The following PDSS2 variants were observed in gnomAD, a reference collection of about 807,000 sequenced individuals.
PDSS2 encodes the protein all trans-polyprenyl-diphosphate synthase PDSS2.
A neutral mutation model predicts 44.5 loss-of-function variants in PDSS2; 31 were observed. The ratio of observed to expected loss-of-function variants is 0.70; its 90% confidence interval spans 0.52 to 0.94. The LOEUF (loss-of-function observed/expected upper bound fraction) is 0.94. PDSS2 is among the 40% of genes least tolerant of loss of function. PDSS2 has a pLI of 0.00. For synonymous variants in PDSS2, 157 were observed against 180.3 expected (o/e 0.87, Z 1.03); for missense variants, 452 against 482.2 (o/e 0.94, Z 0.59).
intron 4 of PDSS2, among the ~76,000 whole-genome samples, chr6:107,241,019 A>T (rs1774404713): frequency 6.6e-6 from 1 of 151,910 alleles, no homozygotes; most frequent in South Asian, 2.1e-4. Context: ...GAGGCTGAGG[A>T]GGATGGGTCG....
intron 7 of PDSS2, among the ~76,000 whole-genome samples, chr6:107,191,347 G>C (rs942605001): frequency 2.6e-5 from 4 of 152,174 alleles, no homozygotes; most frequent in Middle Eastern, 6.3e-3. Flanking sequence ...ATGAGCACGA[G>C]GAATGGAAGA....
chr6:107,215,386 C>T (rs529748521), intron 4 of PDSS2, among the ~76,000 whole-genome samples: 1 of 152,180 alleles, frequency 6.6e-6, no homozygotes, highest in South Asian at 2.1e-4. Flanking sequence ...AGTGAGAACC[C>T]TAACTCTAAA....
intron 1 of PDSS2, among the ~76,000 whole-genome samples, chr6:107,440,122 C>T (rs1444920562): frequency 6.6e-6 from 1 of 152,234 alleles, no homozygotes; most frequent in East Asian, 1.9e-4. Context: ...ATATGGTACA[C>T]TCCTCCAGTT....
At chr6:107,202,913 A>G (rs1772835771) in intron 6 of PDSS2, among the ~76,000 whole-genome samples, 1 of 151,952 alleles carries the variant, frequency 6.6e-6, no homozygotes, top group African/African-American at 2.4e-5. Flanking sequence ...AGGAGATACT[A>G]CTTGTATTAT....
At chr6:107,279,322 T>C (rs1029808075) in intron 2 of PDSS2, among the ~76,000 whole-genome samples, 4 of 152,228 alleles carry the variant, frequency 2.6e-5, no homozygotes, top group African/African-American at 9.6e-5. Flanking sequence ...ATCACTGATA[T>C]ATGCCACAAA....
chr6:107,189,847 T>TA (rs1294883503), intron 7 of PDSS2, among the ~76,000 whole-genome samples: 41 of 151,946 alleles, frequency 2.7e-4, no homozygotes, highest in East Asian at 1.2e-3. Context: ...CTTTGAGTCA[T>TA]AAAAAAAGCA....
chr6:107,334,542 G>A lies in PDSS2; in HGVS notation c.297-210C>T, dbSNP rs991881621. 2.3e-3 allele frequency among the ~76,000 whole-genome samples: 343 copies of A among 151,592 alleles called. 2 individuals are homozygous for A. The highest frequency in any genetic ancestry group is 7.9e-3 in the African/African-American group (328 of 41,334). On this transcript the variant is annotated intron_variant, in intron 1 of 7. Coordinates refer to ENST00000369037, the MANE Select transcript of PDSS2 (RefSeq NM_020381.4). ...CTACGGCTGCGTTGTTGTTGTTGTT[G>A]TTGTTGTTGTTGTTTTTGAGACAGG...
At position 107,410,476 on chromosome 6, in the gene PDSS2, TTTTGTTTG is replaced by T. The variant is rs66478137; in HGVS notation, c.296+48506_296+48513del. On this transcript the variant is annotated intron_variant, in intron 1 of 7. Coordinates refer to ENST00000369037, the MANE Select transcript of PDSS2 (RefSeq NM_020381.4). Reference sequence around the variant, plus strand: ...TATATGTACTGTCCTCTACGCTGTTTTTTGTTTGTTTGTTTGTTTGTTTGTTTTTTGAG... The same window carrying T: ...TATATGTACTGTCCTCTACGCTGTTTTTTGTTTGTTTGTTTGTTTTTTGAG... 2.0e-4 allele frequency among the ~76,000 whole-genome samples: 31 copies of T among 151,264 alleles called. No homozygotes were observed. The East Asian group carries it at 2.2e-3, about 11-fold the overall frequency.
intron 2 of PDSS2, among the ~76,000 whole-genome samples, chr6:107,324,726 A>G (rs1777485056): frequency 6.6e-6 from 1 of 152,198 alleles, no homozygotes; most frequent in Non-Finnish European, 1.5e-5. Flanking sequence ...ACATATTTGA[A>G]TATTACCTAT....
chr6:107,171,044 G>A (rs193128574), intron 7 of PDSS2, among the ~76,000 whole-genome samples: 6 of 152,354 alleles, frequency 3.9e-5, no homozygotes, highest in African/African-American at 1.4e-4. Flanking sequence ...GAGGAACACA[G>A]TTGCTGCCTC....
intron 1 of PDSS2, among the ~76,000 whole-genome samples, chr6:107,424,679 G>A (rs1490367574): frequency 1.3e-5 from 2 of 152,100 alleles, no homozygotes. Flanking sequence ...AATGTGAAAA[G>A]AGAATAAAAT....
At chr6:107,429,784 TG>T (rs1288591001) in intron 1 of PDSS2, among the ~76,000 whole-genome samples, 3 of 148,066 alleles carry the variant, frequency 2.0e-5, no homozygotes, top group Non-Finnish European at 4.4e-5. Context: ...CTTCGGAGGC[TG>T]AGGCAGGAGA....
chr6:107,174,019 C>G (rs1771700799), intron 7 of PDSS2, among the ~76,000 whole-genome samples: 1 of 152,166 alleles, frequency 6.6e-6, no homozygotes, highest in Non-Finnish European at 1.5e-5. Context: ...AGCAGGTGTA[C>G]ATGTCCAAAA....
chr6:107,422,043 G>A lies in PDSS2; in HGVS notation c.296+36947C>T, dbSNP rs184603058. On this transcript the variant is annotated intron_variant, in intron 1 of 7. Transcript: ENST00000369037. ...TCAGTAATTATTTCAAAATAAAAAG[G>A]TTAAAAAAAACTTGTCAGCAAAAAC... Among the ~76,000 whole-genome samples, 593 of 146,012 alleles carry A rather than the reference G, an allele frequency of 4.1e-3. 2 individuals are homozygous for A. The highest frequency in any genetic ancestry group is 6.5e-3 in the Non-Finnish European group (430 of 66,384).
chr6:107,173,601 T>C (rs1200057080), intron 7 of PDSS2, among the ~76,000 whole-genome samples: 2 of 96,718 alleles, frequency 2.1e-5, no homozygotes, highest in African/African-American at 4.2e-5. Flanking sequence ...AAAAAAACGC[T>C]TAGAACAGGA....
intron 4 of PDSS2, among the ~76,000 whole-genome samples, chr6:107,241,163 C>A (rs1367218725): frequency 2.0e-5 from 3 of 147,316 alleles, no homozygotes; most frequent in African/African-American, 7.5e-5. Context: ...GCACAGGAAT[C>A]GTTTGAACCG....
chr6:107,170,616 C>T lies in PDSS2; in HGVS notation c.1042-15839G>A, dbSNP rs1205254770. Among the ~76,000 whole-genome samples the T allele has an allele frequency of 6.2e-3, 649 of 105,280 alleles. 3 individuals are homozygous for T. The highest frequency in any genetic ancestry group is 0.013 in the Admixed American group (144 of 10,778). 69.1% of individuals were successfully genotyped at this position (105,280 alleles called of 152,430 possible). ...GGCCATCTTGGAACCACCCCCCCCC[C>T]CCCACTTTTTTTTTTCTGAGACAGC... On this transcript the variant is annotated intron_variant, in intron 7 of 7. Transcript: ENST00000369037.
chr6:107,309,104 A>G (rs1008587964), intron 2 of PDSS2, among the ~76,000 whole-genome samples: 24 of 152,266 alleles, frequency 1.6e-4, no homozygotes, highest in African/African-American at 5.1e-4. Context: ...CAGAGACAAA[A>G]GAAAGTTTTA....
chr6:107,287,138 TAC>T (rs1776181668), intron 2 of PDSS2, among the ~76,000 whole-genome samples: 1 of 152,178 alleles, frequency 6.6e-6, no homozygotes, highest in Admixed American at 6.5e-5. Flanking sequence ...ATCAAGAAGA[TAC>T]AGTTTTGGTG....
Sources: allele counts gnomAD v4.1 joint callset (sites outside exome capture counted in the v4.1 genomes callset), GRCh38; gene constraint gnomAD v4.1.1; transcripts MANE v1.5; gene names NCBI Gene and HGNC (gene_info 2026-07-23, HGNC 2026-07-21).